CSMD3: variants seen among roughly 807,000 people sequenced by gnomAD.
The protein encoded by CSMD3 is CUB and Sushi multiple domains 3.
Under a neutral mutation model 435.2 loss-of-function variants are expected in CSMD3, and 177 were observed. That is an observed-to-expected ratio of 0.41 (90% CI 0.36 to 0.46). The LOEUF is 0.46. Among genes scored for constraint, CSMD3 ranks in the 20% least tolerant of loss-of-function variants. CSMD3 has a pLI of 0.34. For synonymous variants in CSMD3, 1,656 were observed against 1,520.5 expected (o/e 1.09, Z -2.07); for missense variants, 4,265 against 4,504.6 (o/e 0.95, Z 1.52).
intron 11 of CSMD3, among the ~76,000 whole-genome samples, chr8:112,847,989 G>C (rs909564320): frequency 1.3e-5 from 2 of 152,086 alleles, no homozygotes; most frequent in African/African-American, 4.8e-5. Flanking sequence ...TTCACTACTT[G>C]TTTTTAAAAT....
At chr8:113,368,859 A>T (rs2094329884) in intron 1 of CSMD3, among the ~76,000 whole-genome samples, 1 of 152,084 alleles carries the variant, frequency 6.6e-6, no homozygotes, top group Non-Finnish European at 1.5e-5. Context: ...TTTCCAATGA[A>T]GGTAATGTTT....
In CSMD3 at chr8:113,334,658, A is replaced by T. The variant is rs74512551; in HGVS notation, c.179-19865T>A. Among the ~76,000 whole-genome samples, 780 of 152,156 alleles carry T rather than the reference A, an allele frequency of 5.1e-3. 12 individuals carry two copies. The highest frequency in any genetic ancestry group is 0.018 in the African/African-American group (754 of 41,542). On this transcript the variant is annotated intron_variant, in intron 1 of 70. Coordinates refer to ENST00000297405, the MANE Select transcript of CSMD3 (RefSeq NM_198123.2). ...AATGCTAGTTATTTTGAAACATTTGATAGAATTATCCAGCGAAACCATCTG... is the reference window on the plus strand; with the variant it reads ...AATGCTAGTTATTTTGAAACATTTGTTAGAATTATCCAGCGAAACCATCTG...
In CSMD3 at chr8:112,503,906, C is replaced by T. The variant is rs1212896649; in HGVS notation, c.4967G>A (p.Gly1656Glu). The T allele has an allele frequency of 5.6e-6, 9 of 1,612,362 alleles. No individual in the cohort carries two copies. Among genetic ancestry groups the T allele is most frequent in the Non-Finnish European group, 7.6e-6 (9 of 1,179,042 alleles). The stretch of plus-strand genomic sequence containing the variant: ...TGGTAACTTGCTGTCTTGAAAACTT[C>T]CAATCAGTGGGCTATTACTGTCTGG... Reference protein sequence around the residue: ...DGPDSNSPLIGSFQDSKLPER... With the variant: ...DGPDSNSPLIESFQDSKLPER... Residue 1656 changes from glycine (G) to glutamate (E), a missense_variant, in exon 30 of 71, where the codon GGA (glycine) becomes GAA (glutamate). Physicochemically the swap from Gly to Glu is moderately conservative, Grantham distance 98. This residue lies in a region of CSMD3 where 3,255 missense variants were observed against 3,380.2 expected (regional missense o/e 0.96). Coordinates refer to ENST00000297405, the MANE Select transcript of CSMD3 (RefSeq NM_198123.2).
intron 5 of CSMD3, among the ~76,000 whole-genome samples, chr8:113,053,033 C>A (rs1361215006): frequency 1.3e-5 from 2 of 152,094 alleles, no homozygotes; most frequent in Admixed American, 1.3e-4. Flanking sequence ...ATCAATAAAA[C>A]AGCCTGTATT....
At chr8:112,899,921 AT>A (rs2082064183) in intron 10 of CSMD3, among the ~76,000 whole-genome samples, 1 of 150,824 alleles carries the variant, frequency 6.6e-6, no homozygotes, top group Non-Finnish European at 1.5e-5. Context: ...GTATGACATT[AT>A]TTTTATTTGT....
In CSMD3 at chr8:113,084,786, T is replaced by C. The variant is rs149451582; in HGVS notation, c.917+13970A>G. 5.5e-3 allele frequency among the ~76,000 whole-genome samples: 835 copies of C among 152,042 alleles called. 10 individuals carry two copies. Among genetic ancestry groups the C allele is most frequent in the African/African-American group, 0.019 (786 of 41,502 alleles). Reference sequence around the variant, plus strand: ...AGATACGTAGATCAATAAAACATAATAGAGAACCTGAAAATAGATACACAT... The same window carrying C: ...AGATACGTAGATCAATAAAACATAACAGAGAACCTGAAAATAGATACACAT... On this transcript the variant is annotated intron_variant, in intron 5 of 70. Transcript: ENST00000297405.
intron 32 of CSMD3, among the ~76,000 whole-genome samples, chr8:112,448,918 C>CTGTT (rs1279222083): frequency 6.6e-6 from 1 of 152,140 alleles, no homozygotes; most frequent in Non-Finnish European, 1.5e-5. Flanking sequence ...GATATTCAAG[C>CTGTT]TGTTCTTTGA....
intron 3 of CSMD3, among the ~76,000 whole-genome samples, chr8:113,201,724 T>C (rs1176755065): frequency 1.3e-5 from 2 of 152,048 alleles, no homozygotes; most frequent in Non-Finnish European, 2.9e-5. Context: ...AATCGTATGC[T>C]GATTTTTAAA....
chr8:112,953,326 C>T (rs1396048586), intron 8 of CSMD3, among the ~76,000 whole-genome samples: 1 of 151,204 alleles, frequency 6.6e-6, no homozygotes, highest in Non-Finnish European at 1.5e-5. Flanking sequence ...CTTTTTTTAT[C>T]ATAGAAAATA....
chr8:112,347,888 T>C (rs914963692), intron 40 of CSMD3, among the ~76,000 whole-genome samples: 2 of 152,206 alleles, frequency 1.3e-5, no homozygotes, highest in Non-Finnish European at 2.9e-5. Context: ...AGGCAAGGAC[T>C]ATCTTTTATT....
intron 8 of CSMD3, 51 bp downstream of exon 8, chr8:112,954,633 A>T (rs1239673367): frequency 8.6e-7 from 1 of 1,169,260 alleles, no homozygotes; most frequent in Non-Finnish European, 1.3e-6. Context: ...CACAGACACC[A>T]CAAACTTCAC....
At chr8:112,698,275 T>C (rs1274873364) in intron 13 of CSMD3, among the ~76,000 whole-genome samples, 1 of 152,062 alleles carries the variant, frequency 6.6e-6, no homozygotes, top group East Asian at 1.9e-4. Context: ...AACTGAAATG[T>C]TAAAAAATCG....
intron 1 of CSMD3, among the ~76,000 whole-genome samples, chr8:113,315,545 C>A (rs1269460787): frequency 6.6e-6 from 1 of 150,540 alleles, no homozygotes; most frequent in Non-Finnish European, 1.5e-5. Flanking sequence ...AGAAAACTTA[C>A]TATATTTCTT....
chr8:112,579,006 T>C (rs185364253), intron 23 of CSMD3, among the ~76,000 whole-genome samples: 2 of 152,156 alleles, frequency 1.3e-5, no homozygotes, highest in East Asian at 1.9e-4. Flanking sequence ...GCTTTTATTG[T>C]TTTTGCCAGA....
intron 34 of CSMD3, among the ~76,000 whole-genome samples, chr8:112,407,182 T>C (rs1256049016): frequency 6.6e-6 from 1 of 151,894 alleles, no homozygotes; most frequent in Non-Finnish European, 1.5e-5. Context: ...CAAACAGTAC[T>C]TTATTAGTTT....
chr8:112,705,274 G>C (rs2076474624), intron 13 of CSMD3, among the ~76,000 whole-genome samples: 1 of 152,026 alleles, frequency 6.6e-6, no homozygotes, highest in Admixed American at 6.6e-5. Context: ...TATCACTAGA[G>C]AGTGGAAATC....
intron 6 of CSMD3, among the ~76,000 whole-genome samples, chr8:113,001,358 G>A (rs2085857386): frequency 6.6e-6 from 1 of 152,026 alleles, no homozygotes; most frequent in Admixed American, 6.6e-5. Flanking sequence ...TTAGCCACAT[G>A]GGCATTTTTA....
At chr8:112,954,449 T>C (rs2083937676) in intron 8 of CSMD3, among the ~76,000 whole-genome samples, 1 of 151,562 alleles carries the variant, frequency 6.6e-6, no homozygotes, top group African/African-American at 2.4e-5. Flanking sequence ...CATCTTGAAA[T>C]ATAAAATAAA....
intron 52 of CSMD3, among the ~76,000 whole-genome samples, 160 bp downstream of exon 52, chr8:112,304,561 A>G (rs923115719): frequency 1.3e-5 from 2 of 152,206 alleles, no homozygotes; most frequent in Non-Finnish European, 2.9e-5. Flanking sequence ...ACTAATACAT[A>G]GAAACATAGT....
Sources: allele counts gnomAD v4.1 joint callset (sites outside exome capture counted in the v4.1 genomes callset), GRCh38; gene constraint gnomAD v4.1.1; regional missense constraint gnomAD v4.1.1; transcripts MANE v1.5; gene names NCBI Gene and HGNC (gene_info 2026-07-23, HGNC 2026-07-21).